SLIT3: variants seen among roughly 807,000 people sequenced by gnomAD.
SLIT3 encodes the protein slit guidance ligand 3, also known as slit homolog 3 protein.
Under a neutral mutation model 184.0 loss-of-function variants are expected in SLIT3, and 68 were observed. The observed-to-expected ratio is 0.37, with a 90% CI of 0.30 to 0.45. The LOEUF (loss-of-function observed/expected upper bound fraction) is 0.45. SLIT3 is among the 20% of genes least tolerant of loss of function. The pLI is 1.00. For missense variants in SLIT3, 1,707 were observed against 2,026.0 expected (o/e 0.84, Z 3.02); for synonymous variants, 831 against 828.6 (o/e 1.00, Z -0.05).
chr5:168,808,068 T>C (rs1335235500), intron 8 of SLIT3, among the ~76,000 whole-genome samples: 2 of 152,010 alleles, frequency 1.3e-5, no homozygotes, highest in South Asian at 2.1e-4. Context: ...ACTGAAAAAA[T>C]GGCCTCATAG....
At chr5:169,018,997 C>T (rs935558340) in intron 4 of SLIT3, among the ~76,000 whole-genome samples, 6 of 152,144 alleles carry the variant, frequency 3.9e-5, no homozygotes, top group Admixed American at 1.3e-4. Flanking sequence ...AGTCACGCCC[C>T]GAGTCTCCAG....
At chr5:168,757,296 G>A (rs377642183) in intron 16 of SLIT3, among the ~76,000 whole-genome samples, 1 of 152,200 alleles carries the variant, frequency 6.6e-6, no homozygotes, top group Non-Finnish European at 1.5e-5. Context: ...ACTGTCTAGC[G>A]CAGGGTAAAG....
intron 4 of SLIT3, among the ~76,000 whole-genome samples, chr5:169,098,539 G>A (rs569239356): frequency 2.0e-5 from 3 of 152,168 alleles, no homozygotes; most frequent in Non-Finnish European, 4.4e-5. Flanking sequence ...ATTGCATGAC[G>A]CTAGTGTTCA....
intron 7 of SLIT3, among the ~76,000 whole-genome samples, chr5:168,818,193 G>A (rs1299169018): frequency 6.6e-6 from 1 of 152,078 alleles, no homozygotes; most frequent in Non-Finnish European, 1.5e-5. Context: ...TGGTGTATTT[G>A]CTATTCTGAC....
chr5:169,055,415 A>C (rs2031583245), intron 4 of SLIT3, among the ~76,000 whole-genome samples: 1 of 152,212 alleles, frequency 6.6e-6, no homozygotes, highest in African/African-American at 2.4e-5. Context: ...TGATGTGCAA[A>C]GTTGAAAGCG....
intron 1 of SLIT3, among the ~76,000 whole-genome samples, chr5:169,297,014 T>C (rs1767523275): frequency 6.6e-6 from 1 of 152,192 alleles, no homozygotes; most frequent in Non-Finnish European, 1.5e-5. Context: ...GAGATTGTGG[T>C]TGGAGAAGAA....
Position 168,670,038 on chromosome 5 carries a change from G to A in SLIT3, c.4128-47C>T, listed in dbSNP as rs532766935. 43 of 1,549,796 alleles carry A rather than the reference G, an allele frequency of 2.8e-5. No individual in the cohort carries two copies. The South Asian group carries it at 4.3e-4, about 16-fold the overall frequency. ...AGAAGGGAACTGGATCAGAGTTGGT[G>A]CTGCTGGGGACTCCCTCTGTCCACC... On this transcript the variant is annotated intron_variant, in intron 34 of 35. Transcript: ENST00000519560.
chr5:168,793,570 G>A (rs1027596125), intron 10 of SLIT3, among the ~76,000 whole-genome samples: 16 of 152,252 alleles, frequency 1.1e-4, no homozygotes, highest in African/African-American at 2.2e-4. Context: ...TTTCCAGGTC[G>A]TGACTGAGAA....
At chr5:168,719,299 G>A (rs930434271) in intron 23 of SLIT3, among the ~76,000 whole-genome samples, 13 of 152,210 alleles carry the variant, frequency 8.5e-5, no homozygotes, top group African/African-American at 2.7e-4. Flanking sequence ...TGATCCACCC[G>A]TCTTGGCCTC....
chr5:169,128,463 G>A (rs545297510), intron 4 of SLIT3, among the ~76,000 whole-genome samples: 106 of 151,982 alleles, frequency 7.0e-4, no homozygotes, highest in African/African-American at 2.5e-3. Context: ...GAGACACCCT[G>A]TTTTGCCCAG....
rs1332075681 is a variant in SLIT3, at chr5:168,846,752, G to A, written c.486-2097C>T. Reference sequence around the variant, plus strand: ...GTGCAGACATTTCATAAAGGTCCTTGCTATTAGTATATTATTTATTTACTG... The same window carrying A: ...GTGCAGACATTTCATAAAGGTCCTTACTATTAGTATATTATTTATTTACTG... On this transcript the variant is annotated intron_variant, in intron 5 of 35. Transcript: ENST00000519560. Among the ~76,000 whole-genome samples, 7 of 152,280 alleles carry A rather than the reference G, an allele frequency of 4.6e-5. 1 individual carries two copies. The South Asian group carries it at 1.0e-3, about 23-fold the overall frequency.
At chr5:168,843,490 A>G (rs1266706051) in intron 6 of SLIT3, among the ~76,000 whole-genome samples, 1 of 152,206 alleles carries the variant, frequency 6.6e-6, no homozygotes, top group Non-Finnish European at 1.5e-5. Context: ...GAATCGTACC[A>G]TGGGAATTAT....
At chr5:168,814,961 G>A (rs1757283483) in intron 8 of SLIT3, among the ~76,000 whole-genome samples, 2 of 152,206 alleles carry the variant, frequency 1.3e-5, no homozygotes, top group South Asian at 2.1e-4. Context: ...ATGGGAGTCT[G>A]CTAAGGCACT....
At chr5:168,970,074 G>A (rs1348428294) in intron 4 of SLIT3, among the ~76,000 whole-genome samples, 4 of 152,204 alleles carry the variant, frequency 2.6e-5, no homozygotes, top group African/African-American at 9.6e-5. Context: ...CCAGCTATTC[G>A]GGAGGCTGAG....
At chr5:169,214,000 TCATC>T (rs1764354731) in intron 3 of SLIT3, among the ~76,000 whole-genome samples, 1 of 152,182 alleles carries the variant, frequency 6.6e-6, no homozygotes, top group African/African-American at 2.4e-5. Flanking sequence ...ACAGCAGGCA[TCATC>T]CACTTGGTGG....
At position 169,068,343 on chromosome 5, in the gene SLIT3, A is replaced by ATT. The variant is rs1405560721; in HGVS notation, c.413+125135_413+125136insAA. On this transcript the variant is annotated intron_variant, in intron 4 of 35. Coordinates refer to ENST00000519560, the MANE Select transcript of SLIT3 (RefSeq NM_003062.4). ...TGTATGAAGAGCAGTCTGTTGGTAA[A>ATT]TAGACTTTGGGAAATAGACTGGTTA... Among the ~76,000 whole-genome samples, 3 of 152,348 alleles carry ATT rather than the reference A, an allele frequency of 2.0e-5. No homozygotes were observed. In the East Asian group the frequency reaches 5.8e-4, roughly 29 times the overall value.
intron 5 of SLIT3, among the ~76,000 whole-genome samples, chr5:168,863,628 T>C (rs1759192662): frequency 6.6e-6 from 1 of 152,182 alleles, no homozygotes; most frequent in Non-Finnish European, 1.5e-5. Context: ...CATGGCCAAC[T>C]CAGAGTCCTG....
chr5:169,137,112 C>T (rs185626140), intron 4 of SLIT3, among the ~76,000 whole-genome samples: 1 of 152,270 alleles, frequency 6.6e-6, no homozygotes, highest in East Asian at 1.9e-4. Flanking sequence ...GACAGCTTCT[C>T]ATGACAGGTC....
chr5:168,674,145 G>A (rs1761337426), intron 32 of SLIT3, among the ~76,000 whole-genome samples: 2 of 152,168 alleles, frequency 1.3e-5, no homozygotes, highest in African/African-American at 4.8e-5. Flanking sequence ...CCAGTGGTAT[G>A]CATGCCACTT....
Sources: gnomAD v4.1 joint callset for allele counts (sites outside exome capture counted in the v4.1 genomes callset) on GRCh38, gnomAD v4.1.1 for gene constraint, MANE v1.5 for transcripts, NCBI Gene and HGNC (gene_info 2026-07-23, HGNC 2026-07-21) for gene names.